AOAH: variants seen among roughly 807,000 people sequenced by gnomAD.
AOAH encodes acyloxyacyl hydrolase (neutrophil).
In AOAH, 64 loss-of-function variants were observed where a neutral mutation model predicts 92.2. That is an observed-to-expected ratio of 0.69 (90% CI 0.57 to 0.86). The LOEUF is 0.86. Ranked by LOEUF, AOAH falls within the 40% of genes least tolerant of loss-of-function variation. The pLI, the probability that AOAH is intolerant of heterozygous loss-of-function variation, is 0.00. For synonymous variants in AOAH, 263 were observed against 254.5 expected, an observed-to-expected ratio of 1.03 and a Z score of -0.32; for missense variants, 656 against 694.6, an observed-to-expected ratio of 0.94 and a Z score of 0.62.
intron 1 of AOAH, among the ~76,000 whole-genome samples, chr7:36,699,116 G>C (rs769366636): frequency 1.3e-4 from 19 of 151,756 alleles, no homozygotes; most frequent in Non-Finnish European, 2.5e-4. Flanking sequence ...TTACATCCTT[G>C]TTGCTGCAAA....
chr7:36,587,809 T>C (rs1789461083), intron 12 of AOAH, among the ~76,000 whole-genome samples: 1 of 152,212 alleles, frequency 6.6e-6, no homozygotes, highest in African/African-American at 2.4e-5. Context: ...AAACAAAACA[T>C]TGAAAATATG....
chr7:36,555,196 G>T (rs374330956), intron 13 of AOAH, among the ~76,000 whole-genome samples: 12 of 151,082 alleles, frequency 7.9e-5, no homozygotes, highest in African/African-American at 9.7e-5. Context: ...TAGCATGAAG[G>T]GTTGTTGAAT....
At chr7:36,646,481 T>C (rs1439777419) in intron 4 of AOAH, among the ~76,000 whole-genome samples, 1 of 152,228 alleles carries the variant, frequency 6.6e-6, no homozygotes, top group Non-Finnish European at 1.5e-5. Context: ...TGTTACATAG[T>C]CTTTTACTTT....
At chr7:36,641,118 C>T (rs926059123) in intron 4 of AOAH, among the ~76,000 whole-genome samples, 1 of 152,168 alleles carries the variant, frequency 6.6e-6, no homozygotes, top group South Asian at 2.1e-4. Flanking sequence ...GCGCAGTCCA[C>T]CCAGAGGTCA....
intron 13 of AOAH, among the ~76,000 whole-genome samples, chr7:36,565,284 T>C (rs1458622835): frequency 1.2e-4 from 15 of 120,280 alleles, no homozygotes; most frequent in Admixed American, 1.9e-4. Context: ...TATACATAAT[T>C]TTTGTCATTA....
chr7:36,720,161 G>GT (rs1799525123), intron 1 of AOAH, among the ~76,000 whole-genome samples: 1 of 149,302 alleles, frequency 6.7e-6, no homozygotes. Flanking sequence ...GTTTTGTTTT[G>GT]TTTTTTGAGA....
chr7:36,514,679 G>A, intron 20 of AOAH: 1 of 879,432 alleles, frequency 1.1e-6, no homozygotes, highest in Non-Finnish European at 1.8e-6. Context: ...TTTCAATGCT[G>A]AGCAATGAGA....
chr7:36,622,500 A>G (rs1171735863), intron 7 of AOAH, among the ~76,000 whole-genome samples: 1 of 152,214 alleles, frequency 6.6e-6, no homozygotes, highest in African/African-American at 2.4e-5. Context: ...ACTTTGTGAC[A>G]TGTTACTTGC....
intron 1 of AOAH, among the ~76,000 whole-genome samples, chr7:36,697,189 T>C (rs944975024): frequency 2.0e-5 from 3 of 152,202 alleles, no homozygotes; most frequent in African/African-American, 7.2e-5. Flanking sequence ...TTCATAGATG[T>C]CCTTTATCAG....
At chr7:36,524,530 G>T (rs375661445) in intron 19 of AOAH, among the ~76,000 whole-genome samples, 535 of 150,542 alleles carry the variant, frequency 3.6e-3, no homozygotes, top group African/African-American at 0.013. Context: ...AAAAAAATTA[G>T]CCAGGTGTGG....
intron 12 of AOAH, among the ~76,000 whole-genome samples, chr7:36,583,327 C>A (rs2727794): frequency 0.045 from 6,869 of 152,158 alleles, 530 homozygotes; most frequent in African/African-American, 0.16. Flanking sequence ...ACCTTTTCTG[C>A]TAGGAAAATT....
chr7:36,702,122 C>T (rs763084940), intron 1 of AOAH, among the ~76,000 whole-genome samples: 56 of 151,904 alleles, frequency 3.7e-4, no homozygotes, highest in Non-Finnish European at 6.3e-4. Context: ...GTTATAAATA[C>T]AACAATACAG....
intron 4 of AOAH, among the ~76,000 whole-genome samples, chr7:36,646,498 A>G (rs1459063871): frequency 1.3e-5 from 2 of 152,060 alleles, no homozygotes; most frequent in African/African-American, 2.4e-5. Flanking sequence ...CTTTTTTTCT[A>G]TTTGCTTTCA....
chr7:36,628,758 A>C (rs1422855985), intron 6 of AOAH, among the ~76,000 whole-genome samples: 1 of 152,208 alleles, frequency 6.6e-6, no homozygotes, highest in African/African-American at 2.4e-5. Context: ...CAGGTAAGGC[A>C]TTCCTCCTGG....
At chr7:36,587,287 A>G (rs917439452) in intron 12 of AOAH, among the ~76,000 whole-genome samples, 4 of 149,424 alleles carry the variant, frequency 2.7e-5, no homozygotes, top group Admixed American at 6.7e-5. Flanking sequence ...AAAAAAAAAA[A>G]AAAAAGAAAG....
chr7:36,531,244 G>T (rs79406449), intron 18 of AOAH, among the ~76,000 whole-genome samples: 20 of 152,244 alleles, frequency 1.3e-4, no homozygotes, highest in Admixed American at 1.0e-3. Context: ...GGAATTTTGC[G>T]TGATATTTGT....
At chr7:36,683,478 T>C (rs1796772990) in intron 2 of AOAH, among the ~76,000 whole-genome samples, 1 of 151,978 alleles carries the variant, frequency 6.6e-6, no homozygotes, top group Non-Finnish European at 1.5e-5. Flanking sequence ...GGTGGAGAAA[T>C]GGGAAAGGCA....
intron 12 of AOAH, among the ~76,000 whole-genome samples, chr7:36,583,433 C>T (rs1789081070): frequency 1.3e-5 from 2 of 152,142 alleles, no homozygotes; most frequent in South Asian, 2.1e-4. Flanking sequence ...AGATTCCTTT[C>T]AGTCCTTTGA....
chr7:36,630,222 G>A (rs1175814175), intron 6 of AOAH, among the ~76,000 whole-genome samples: 1 of 152,206 alleles, frequency 6.6e-6, no homozygotes, highest in Non-Finnish European at 1.5e-5. Context: ...ATTAATTTCT[G>A]TTGTTCTAAG....
Sources: gnomAD v4.1 joint callset for allele counts (sites outside exome capture counted in the v4.1 genomes callset) on GRCh38, gnomAD v4.1.1 for gene constraint, MANE v1.5 for transcripts, NCBI Gene and HGNC (gene_info 2026-07-23, HGNC 2026-07-21) for gene names.